Variants in NKAIN2 observed in about 807,000 individuals in gnomAD.
The protein encoded by NKAIN2 is sodium/potassium-transporting ATPase subunit beta-1-interacting protein 2.
In NKAIN2, 14 loss-of-function variants were observed where a neutral mutation model predicts 32.6. That is an observed-to-expected ratio of 0.43 (90% CI 0.28 to 0.67). The LOEUF is 0.67. Ranked by LOEUF, NKAIN2 falls within the 30% of genes least tolerant of loss-of-function variation. The pLI is 0.17. For missense variants in NKAIN2, 198 were observed against 258.3 expected, an observed-to-expected ratio of 0.77 and a Z score of 1.60; for synonymous variants, 80 against 87.2, an observed-to-expected ratio of 0.92 and a Z score of 0.46.
chr6:124,436,630 G>A (rs1420310238), intron 3 of NKAIN2, among the ~76,000 whole-genome samples: 1 of 152,014 alleles, frequency 6.6e-6, no homozygotes, highest in Non-Finnish European at 1.5e-5. Flanking sequence ...TCCAATCCTA[G>A]AGCAAATCCC....
chr6:124,410,546 C>T (rs1212111969), intron 3 of NKAIN2, among the ~76,000 whole-genome samples: 2 of 152,188 alleles, frequency 1.3e-5, no homozygotes, highest in Non-Finnish European at 2.9e-5. Context: ...TTTGATTGCA[C>T]TGTGGTCTGA....
chr6:124,070,778 CA>C (rs1247263248), intron 1 of NKAIN2, among the ~76,000 whole-genome samples: 14 of 152,010 alleles, frequency 9.2e-5, no homozygotes, highest in Non-Finnish European at 2.1e-4. Flanking sequence ...CATATGGAAC[CA>C]AAAAGAAGGC....
At chr6:124,244,066 C>CT (rs375686499) in intron 1 of NKAIN2, among the ~76,000 whole-genome samples, 12,879 of 139,328 alleles carry the variant, frequency 0.092, 1,166 homozygotes, top group African/African-American at 0.25. Context: ...TAAAAGATAT[C>CT]TTTTTTTTTT....
At chr6:124,385,528 G>T (rs540816092) in intron 3 of NKAIN2, among the ~76,000 whole-genome samples, 145 of 152,204 alleles carry the variant, frequency 9.5e-4, no homozygotes, top group African/African-American at 3.4e-3. Context: ...CACTGAATCG[G>T]TGTCTCTTAA....
At position 124,539,931 on chromosome 6, in the gene NKAIN2, G is replaced by C. The variant is rs907077482; in HGVS notation, c.274-118255G>C. On this transcript the variant is annotated intron_variant, in intron 3 of 6. Coordinates refer to ENST00000368417, the MANE Select transcript of NKAIN2 (RefSeq NM_001040214.3). Reference sequence around the variant, plus strand: ...AGATGGGGTTTCACTGTGTTGCCCAGGCTGGTCTCGAACTCCTGAGCTCAG... The same window carrying C: ...AGATGGGGTTTCACTGTGTTGCCCACGCTGGTCTCGAACTCCTGAGCTCAG... 2.0e-5 allele frequency among the ~76,000 whole-genome samples: 3 copies of C among 152,148 alleles called. No homozygotes were observed. The South Asian group carries it at 6.2e-4, about 31-fold the overall frequency.
At chr6:124,302,828 T>C (rs558508516) in intron 2 of NKAIN2, among the ~76,000 whole-genome samples, 52 of 152,280 alleles carry the variant, frequency 3.4e-4, no homozygotes, top group Admixed American at 7.2e-4. Context: ...AGATAAAATT[T>C]GGGCTGAAAC....
chr6:124,133,762 A>G (rs1388633265), intron 1 of NKAIN2, among the ~76,000 whole-genome samples: 2 of 152,166 alleles, frequency 1.3e-5, no homozygotes, highest in Non-Finnish European at 2.9e-5. Flanking sequence ...TCTATAACTA[A>G]GGAACTCATA....
chr6:124,344,739 C>T lies in NKAIN2; in HGVS notation c.193-10528C>T, dbSNP rs151083968. On this transcript the variant is annotated intron_variant, in intron 2 of 6. Coordinates refer to ENST00000368417, the MANE Select transcript of NKAIN2 (RefSeq NM_001040214.3). ...AGCTTAAGGAGATTTTGGGCTGAGA[C>T]AATGGGGTTTTCTAGATATACAATG... 5.0e-3 allele frequency among the ~76,000 whole-genome samples: 765 copies of T among 152,252 alleles called. 7 individuals carry two copies. The highest frequency in any genetic ancestry group is 0.017 in the African/African-American group (710 of 41,540).
intron 3 of NKAIN2, among the ~76,000 whole-genome samples, chr6:124,376,819 C>A (rs2114351237): frequency 6.6e-6 from 1 of 152,034 alleles, no homozygotes; most frequent in African/African-American, 2.4e-5. Context: ...CATAAAAATC[C>A]ATGCCATTTA....
At chr6:123,877,744 A>G (rs17625478) in intron 1 of NKAIN2, among the ~76,000 whole-genome samples, 41,035 of 152,120 alleles carry the variant, frequency 0.27, 6,096 homozygotes, top group Non-Finnish European at 0.33. Context: ...TCATTAAATT[A>G]ATTAGCTAAG....
chr6:124,248,009 C>T (rs569427085), intron 1 of NKAIN2, among the ~76,000 whole-genome samples: 10 of 152,174 alleles, frequency 6.6e-5, no homozygotes, highest in African/African-American at 2.4e-4. Flanking sequence ...TCATATCATA[C>T]CACTCTTTAA....
intron 1 of NKAIN2, among the ~76,000 whole-genome samples, chr6:123,949,468 CA>C (rs1333886243): frequency 6.6e-6 from 1 of 151,850 alleles, no homozygotes; most frequent in Non-Finnish European, 1.5e-5. Flanking sequence ...CTGTCCTCTT[CA>C]GTAACTTTCA....
At chr6:124,145,411 A>G (rs537923457) in intron 1 of NKAIN2, among the ~76,000 whole-genome samples, 1 of 152,340 alleles carries the variant, frequency 6.6e-6, no homozygotes, top group South Asian at 2.1e-4. Flanking sequence ...GTGGTATACT[A>G]TTTAGCAATG....
rs540852673 is a variant in NKAIN2 at position 124,806,192 on chromosome 6, T to A, written c.536-12195T>A. Among the ~76,000 whole-genome samples, 6 of 152,228 alleles carry A rather than the reference T, an allele frequency of 3.9e-5. No homozygotes were observed. The South Asian group carries it at 1.2e-3, about 32-fold the overall frequency. On this transcript the variant is annotated intron_variant, in intron 5 of 6. Transcript: ENST00000368417. ...AACTCCAAGACATATAATTGTCAGA[T>A]TCACCAAAGTTGAAATGAAGGAAAA...
chr6:123,997,383 A>G (rs888089357), intron 1 of NKAIN2, among the ~76,000 whole-genome samples: 6 of 152,010 alleles, frequency 3.9e-5, no homozygotes, highest in African/African-American at 1.4e-4. Flanking sequence ...CATCAGGTCT[A>G]CTGTTCTTAT....
intron 3 of NKAIN2, among the ~76,000 whole-genome samples, chr6:124,408,864 C>T (rs1050542793): frequency 8.0e-4 from 122 of 152,238 alleles, no homozygotes; most frequent in Non-Finnish European, 1.2e-3. Flanking sequence ...ATATCCTCTT[C>T]TATTTCATTG....
chr6:124,761,373 A>T (rs1479414181), intron 4 of NKAIN2, among the ~76,000 whole-genome samples: 1 of 152,148 alleles, frequency 6.6e-6, no homozygotes, highest in Non-Finnish European at 1.5e-5. Flanking sequence ...CTATTACTTC[A>T]TACCACGTTT....
intron 1 of NKAIN2, among the ~76,000 whole-genome samples, chr6:124,071,703 G>A (rs1006079139): frequency 2.6e-5 from 4 of 151,864 alleles, no homozygotes; most frequent in Admixed American, 2.6e-4. Flanking sequence ...ATATACTAGC[G>A]GCCAACAAAT....
intron 3 of NKAIN2, among the ~76,000 whole-genome samples, chr6:124,416,542 G>A (rs1774496199): frequency 6.6e-6 from 1 of 152,104 alleles, no homozygotes; most frequent in Non-Finnish European, 1.5e-5. Context: ...GGTAGGCTGT[G>A]GCCAGAGGAC....
Sources: gnomAD v4.1 joint callset for allele counts (sites outside exome capture counted in the v4.1 genomes callset) on GRCh38, gnomAD v4.1.1 for gene constraint, MANE v1.5 for transcripts, NCBI Gene and HGNC (gene_info 2026-07-23, HGNC 2026-07-21) for gene names.